DCP2: variants seen among roughly 807,000 people sequenced by gnomAD.
DCP2 encodes the protein m7GpppN-mRNA hydrolase.
Under a neutral mutation model 56.1 loss-of-function variants are expected in DCP2, and 30 were observed. That is an observed-to-expected ratio of 0.53 (90% CI 0.40 to 0.73). The LOEUF (loss-of-function observed/expected upper bound fraction) is 0.73. DCP2 is among the 30% of genes least tolerant of loss of function. DCP2 has a pLI of 0.00. For missense variants in DCP2, 533 were observed against 502.7 expected (o/e 1.06, Z -0.58); for synonymous variants, 197 against 163.3 (o/e 1.21, Z -1.57).
intron 1 of DCP2, 56 bp downstream of exon 1, chr5:112,977,042 C>T (rs540425512): frequency 6.2e-5 from 85 of 1,375,162 alleles, no homozygotes; most frequent in South Asian, 2.5e-4. Context: ...GTTTCGCGGA[C>T]CCCCAGAGGC....
In DCP2 at chr5:112,976,908, C is replaced by A. The variant is rs1329942007; in HGVS notation, c.-26C>A. Reference sequence around the variant, plus strand: ...TCCCCGGCCGCGCGGAGCCGGGATGCACTGTTCCTGCTGTGGGTCCTCATC... The same window carrying A: ...TCCCCGGCCGCGCGGAGCCGGGATGAACTGTTCCTGCTGTGGGTCCTCATC... On this transcript the variant is annotated 5_prime_UTR_variant, in exon 1 of 11. Coordinates refer to ENST00000389063, the MANE Select transcript of DCP2 (RefSeq NM_152624.6). 2 of 1,613,562 alleles carry A rather than the reference C, an allele frequency of 1.2e-6. No homozygotes were observed. The highest frequency in any genetic ancestry group is 3.3e-5 in the Admixed American group (2 of 60,032).
intron 7 of DCP2, among the ~76,000 whole-genome samples, chr5:113,003,139 G>C (rs958252066): frequency 7.4e-5 from 9 of 121,206 alleles, no homozygotes; most frequent in Admixed American, 1.8e-4. Context: ...TTCAGAATCT[G>C]TTATTGTAAT....
At chr5:113,004,462 C>G (rs559485601) in intron 8 of DCP2, among the ~76,000 whole-genome samples, 1 of 152,330 alleles carries the variant, frequency 6.6e-6, no homozygotes, top group African/African-American at 2.4e-5. Context: ...AATTACACTG[C>G]TATTAATACT....
chr5:112,984,786 C>T (rs1478442535), intron 1 of DCP2: 1 of 145,828 alleles, frequency 6.9e-6, no homozygotes, highest in Non-Finnish European at 1.5e-5. Context: ...CCCACTGCAG[C>T]CTTGAACACC....
At chr5:113,001,287 A>C (rs1457164557) in intron 5 of DCP2, 51 bp downstream of exon 5, 1 of 1,598,554 alleles carries the variant, frequency 6.3e-7, no homozygotes, top group East Asian at 2.2e-5. Flanking sequence ...CAAATGAATA[A>C]GTAGGGAAAT....
rs1039694999 is a variant in DCP2 at position 113,016,168 on chromosome 5, T to C, written c.*2684T>C. On this transcript the variant is annotated 3_prime_UTR_variant, in exon 11 of 11. Transcript: ENST00000389063. The stretch of plus-strand genomic sequence containing the variant: ...AATGAATTGTTTTTGTACCTAACCA[T>C]TGTAATCCAAAAGATAAGGGTGTGG... 1 of 152,634 alleles carries C rather than the reference T, an allele frequency of 6.6e-6. No homozygotes were observed. Among genetic ancestry groups the C allele is most frequent in the African/African-American group, 2.4e-5 (1 of 41,442 alleles). The allele number at this position is 152,634 out of a possible 1,614,324, so 9.5% of individuals were successfully genotyped here. A position where few individuals can be genotyped will look rare whatever the true frequency, so the allele number is the denominator to read the frequency against.
chr5:112,999,847 G>T (rs1363890649), intron 4 of DCP2, among the ~76,000 whole-genome samples: 3 of 151,462 alleles, frequency 2.0e-5, no homozygotes, highest in Admixed American at 1.3e-4. Context: ...GATCACCTGA[G>T]GTCAGGAGTT....
intron 10 of DCP2, among the ~76,000 whole-genome samples, chr5:113,011,825 G>C (rs955587791): frequency 3.9e-5 from 6 of 152,170 alleles, no homozygotes; most frequent in African/African-American, 1.2e-4. Context: ...TTTTCTTCTA[G>C]GAATGCTACA....
intron 8 of DCP2, among the ~76,000 whole-genome samples, chr5:113,005,153 T>TGTGTGTGGGTGTGTGTGTGG (rs1554101213): frequency 2.7e-5 from 4 of 149,444 alleles, no homozygotes; most frequent in African/African-American, 9.8e-5. Context: ...TGCGTGTGGG[T>TGTGTGTGGGTGTGTGTGTGG]GTGTGTGTGT....
chr5:112,976,898 A>T lies in DCP2; in HGVS notation c.-36A>T. On this transcript the variant is annotated 5_prime_UTR_variant, in exon 1 of 11. Coordinates refer to ENST00000389063, the MANE Select transcript of DCP2 (RefSeq NM_152624.6). Reference sequence around the variant, plus strand: ...GTACCGTCAGTCCCCGGCCGCGCGGAGCCGGGATGCACTGTTCCTGCTGTG... The same window carrying T: ...GTACCGTCAGTCCCCGGCCGCGCGGTGCCGGGATGCACTGTTCCTGCTGTG... The T allele has an allele frequency of 6.2e-7, 1 of 1,609,778 alleles. No homozygotes were observed. The highest frequency in any genetic ancestry group is 8.5e-7 in the Non-Finnish European group (1 of 1,176,076).
chr5:112,995,675 T>C (rs912645068), intron 4 of DCP2, among the ~76,000 whole-genome samples: 5 of 152,228 alleles, frequency 3.3e-5, no homozygotes, highest in South Asian at 2.1e-4. Context: ...GATGTCCTTT[T>C]ATAGCTGACT....
At chr5:112,991,727 C>T (rs553687117) in intron 2 of DCP2, among the ~76,000 whole-genome samples, 1 of 152,126 alleles carries the variant, frequency 6.6e-6, no homozygotes, top group Non-Finnish European at 1.5e-5. Context: ...TGTTATTACG[C>T]TAATATATAT....
At chr5:112,988,877 CT>C (rs1268016380) in intron 2 of DCP2, among the ~76,000 whole-genome samples, 1 of 152,168 alleles carries the variant, frequency 6.6e-6, no homozygotes, top group Admixed American at 6.5e-5. Flanking sequence ...ACTTTACATA[CT>C]TTAGGGTTTT....
chr5:112,995,946 C>G (rs1748827143), intron 4 of DCP2, among the ~76,000 whole-genome samples: 1 of 152,188 alleles, frequency 6.6e-6, no homozygotes. Context: ...TTATACCCTT[C>G]TTGTGTACAT....
intron 1 of DCP2, among the ~76,000 whole-genome samples, chr5:112,983,606 A>G (rs1748111849): frequency 6.6e-6 from 1 of 152,212 alleles, no homozygotes. Context: ...TGTATAGTCT[A>G]TGGAATGACA....
intron 1 of DCP2, 78 bp from the exon 2 acceptor site, chr5:112,985,757 T>C: frequency 6.6e-7 from 1 of 1,524,048 alleles, no homozygotes; most frequent in Non-Finnish European, 9.0e-7. Flanking sequence ...GTGGGTCAGG[T>C]ATGAAGCACT....
intron 9 of DCP2, among the ~76,000 whole-genome samples, chr5:113,008,584 G>T (rs1283936515): frequency 1.3e-5 from 2 of 151,992 alleles, no homozygotes; most frequent in Admixed American, 1.3e-4. Context: ...TTGTATATTA[G>T]GTTTTCTTAT....
At chr5:113,004,214 T>G (rs758529981) in intron 8 of DCP2, 137 bp downstream of exon 8, 5 of 1,019,360 alleles carry the variant, frequency 4.9e-6, no homozygotes, top group South Asian at 3.5e-5. Context: ...TCCTTACTTA[T>G]GATTTGAAGC....
chr5:112,983,684 G>A (rs901990188), intron 1 of DCP2, among the ~76,000 whole-genome samples: 2 of 151,920 alleles, frequency 1.3e-5, no homozygotes, highest in African/African-American at 4.8e-5. Flanking sequence ...GATATTAGAA[G>A]CATCCAGACT....
Sources: allele counts gnomAD v4.1 joint callset (sites outside exome capture counted in the v4.1 genomes callset), GRCh38; gene constraint gnomAD v4.1.1; transcripts MANE v1.5; gene names NCBI Gene and HGNC (gene_info 2026-07-23, HGNC 2026-07-21).